SRPX: variants seen among roughly 807,000 people sequenced by gnomAD.
SRPX encodes sushi repeat containing protein X-linked.
In SRPX, 24 loss-of-function variants were observed where a neutral mutation model predicts 38.1. The observed-to-expected ratio is 0.63, with a 90% CI of 0.46 to 0.89. SRPX has a LOEUF of 0.89. Among genes scored for constraint, SRPX ranks in the 40% least tolerant of loss-of-function variants. The pLI is 0.00. For synonymous variants in SRPX, 184 were observed against 153.8 expected, an observed-to-expected ratio of 1.20 and a Z score of -1.45; for missense variants, 416 against 377.8, an observed-to-expected ratio of 1.10 and a Z score of -0.84.
intron 2 of SRPX, among the ~76,000 whole-genome samples, chrX:38,175,944 T>A (rs1938560789): frequency 9.0e-6 from 1 of 111,685 alleles, no homozygotes; most frequent in Admixed American, 9.5e-5. Flanking sequence ...TATACAGTAC[T>A]CCCCCTTTGC....
intron 9 of SRPX, among the ~76,000 whole-genome samples, chrX:38,153,302 CTTTTTT>C (rs58888978): frequency 9.1e-5 from 5 of 54,740 alleles, no homozygotes; most frequent in Middle Eastern, 0.014. Flanking sequence ...TTCTTTCTTT[CTTTTTT>C]TTTTTTTTTT....
intron 1 of SRPX, among the ~76,000 whole-genome samples, chrX:38,184,434 C>T (rs1229843945): frequency 1.8e-5 from 2 of 111,352 alleles, no homozygotes; most frequent in African/African-American, 3.3e-5. Context: ...TAAATTGCAC[C>T]ATCAATTTTA....
chrX:38,205,884 T>A (rs1312977659), intron 1 of SRPX, among the ~76,000 whole-genome samples: 1 of 112,355 alleles, frequency 8.9e-6, no homozygotes, highest in East Asian at 2.8e-4. Flanking sequence ...ATCTCCAATA[T>A]GCCGTCCCAA....
intron 1 of SRPX, among the ~76,000 whole-genome samples, chrX:38,218,920 G>A (rs2147135115): frequency 9.0e-6 from 1 of 111,416 alleles, no homozygotes; most frequent in African/African-American, 3.3e-5. Flanking sequence ...TTATCAAGCA[G>A]CTCCAATCAG....
chrX:38,179,936 T>A (rs1319486625), intron 1 of SRPX, among the ~76,000 whole-genome samples: 2 of 110,512 alleles, frequency 1.8e-5, no homozygotes, highest in Non-Finnish European at 3.8e-5. Flanking sequence ...TGAGAACCCA[T>A]CTCAAAAACA....
At chrX:38,184,075 A>C (rs1938722764) in intron 1 of SRPX, among the ~76,000 whole-genome samples, 1 of 111,540 alleles carries the variant, frequency 9.0e-6, no homozygotes, top group Admixed American at 9.5e-5. Context: ...CTTAAATAAT[A>C]CTTATTATAT....
chrX:38,149,444 T>G lies in SRPX; in HGVS notation c.*267A>C. Reference sequence around the variant, plus strand: ...TAACATGTTGATAGCCTGTGTATGGTTATGGGTTCTAATTTCTCTACAAAA... The same window carrying G: ...TAACATGTTGATAGCCTGTGTATGGGTATGGGTTCTAATTTCTCTACAAAA... On this transcript the variant is annotated 3_prime_UTR_variant, in exon 10 of 10. Transcript: ENST00000378533. 1 of 260,998 alleles carries G rather than the reference T, an allele frequency of 3.8e-6. No homozygotes were observed. Among genetic ancestry groups the G allele is most frequent in the Non-Finnish European group, 6.7e-6 (1 of 148,745 alleles). 21.5% of individuals were successfully genotyped at this position (260,998 alleles called of 1,213,427 possible).
intron 4 of SRPX, among the ~76,000 whole-genome samples, 159 bp from the exon 5 acceptor site, chrX:38,165,054 T>C (rs1938339633): frequency 8.9e-6 from 1 of 111,826 alleles, no homozygotes; most frequent in African/African-American, 3.3e-5. Context: ...TCATAATGCT[T>C]TTACTCTCCT....
At chrX:38,208,529 G>A (rs951235417) in intron 1 of SRPX, among the ~76,000 whole-genome samples, 3 of 111,743 alleles carry the variant, frequency 2.7e-5, no homozygotes, top group African/African-American at 9.8e-5. Context: ...TTTAAGAATC[G>A]TAAGCACAGA....
At chrX:38,171,360 C>A (rs1309721208) in intron 4 of SRPX, among the ~76,000 whole-genome samples, 2 of 111,332 alleles carry the variant, frequency 1.8e-5, no homozygotes, top group Non-Finnish European at 3.8e-5. Context: ...CATTCTTAGA[C>A]CAGGAGATGC....
At chrX:38,179,158 CT>C (rs1011654411) in intron 1 of SRPX, among the ~76,000 whole-genome samples, 5 of 110,581 alleles carry the variant, frequency 4.5e-5, no homozygotes, top group African/African-American at 1.6e-4. Context: ...GTTGGTCAGG[CT>C]GGTCGCGAAC....
At chrX:38,159,125 A>G (rs1358100880) in intron 7 of SRPX, among the ~76,000 whole-genome samples, 2 of 112,251 alleles carry the variant, frequency 1.8e-5, no homozygotes, top group Non-Finnish European at 3.8e-5. Context: ...TCTTTTTCAC[A>G]CTAAGATTTT....
intron 1 of SRPX, among the ~76,000 whole-genome samples, chrX:38,217,809 A>G (rs959759923): frequency 8.9e-6 from 1 of 112,070 alleles, no homozygotes; most frequent in Non-Finnish European, 1.9e-5. Flanking sequence ...TGCTTTAACA[A>G]TGGTTTCTGG....
chrX:38,154,710 C>T, intron 8 of SRPX, 127 bp from the exon 9 acceptor site: 1 of 870,645 alleles, frequency 1.1e-6, no homozygotes. Context: ...TCTGAACTGT[C>T]CTGAAAACAG....
intron 4 of SRPX, among the ~76,000 whole-genome samples, chrX:38,171,065 G>A (rs985947600): frequency 9.0e-6 from 1 of 111,076 alleles, no homozygotes; most frequent in Non-Finnish European, 1.9e-5. Flanking sequence ...GAATTATTTG[G>A]CCCCAAATGT....
chrX:38,164,275 T>C (rs1160589919), intron 5 of SRPX, among the ~76,000 whole-genome samples: 2 of 110,346 alleles, frequency 1.8e-5, no homozygotes, highest in Admixed American at 1.9e-4. Context: ...CCTGAGTAGC[T>C]GGGATTACAG....
At chrX:38,176,671 T>C (rs1191505713) in intron 2 of SRPX, among the ~76,000 whole-genome samples, 1 of 111,323 alleles carries the variant, frequency 9.0e-6, no homozygotes, top group Non-Finnish European at 1.9e-5. Context: ...CGTGTGCCTG[T>C]AGTCCCAGCT....
chrX:38,168,391 A>G (rs1938399989), intron 4 of SRPX, among the ~76,000 whole-genome samples: 1 of 111,484 alleles, frequency 9.0e-6, no homozygotes, highest in Admixed American at 9.6e-5. Context: ...ACTTTTCCCA[A>G]CTGAGGTACC....
At chrX:38,171,628 T>C (rs771859776) in intron 4 of SRPX, among the ~76,000 whole-genome samples, 2 of 111,819 alleles carry the variant, frequency 1.8e-5, no homozygotes, top group East Asian at 2.8e-4. Context: ...TCTGCCAGCC[T>C]GTAGTTGCCT....
Sources: allele counts gnomAD v4.1 joint callset (sites outside exome capture counted in the v4.1 genomes callset), GRCh38; gene constraint gnomAD v4.1.1; transcripts MANE v1.5; gene names NCBI Gene and HGNC (gene_info 2026-07-23, HGNC 2026-07-21).